STRN: variants seen among roughly 807,000 people sequenced by gnomAD.
STRN encodes the protein striatin, also known as protein phosphatase 2 regulatory subunit B'''alpha.
A neutral mutation model predicts 96.3 loss-of-function variants in STRN; 53 were observed. The ratio of observed to expected loss-of-function variants is 0.55; its 90% confidence interval spans 0.44 to 0.69. The LOEUF (loss-of-function observed/expected upper bound fraction) is 0.69. Ranked by LOEUF, STRN falls within the 30% of genes least tolerant of loss-of-function variation. STRN has a pLI of 0.00. For missense variants in STRN, 987 were observed against 963.9 expected, an observed-to-expected ratio of 1.02 and a Z score of -0.32; for synonymous variants, 428 against 355.9, an observed-to-expected ratio of 1.20 and a Z score of -2.28.
In STRN at chr2:36,849,004, T is replaced by C. The variant is rs1416486683; in HGVS notation, c.*452A>G. 2 of 158,660 alleles carry C rather than the reference T, an allele frequency of 1.3e-5. No individual in the cohort carries two copies. The highest frequency in any genetic ancestry group is 4.8e-5 in the African/African-American group (2 of 41,488). The allele number at this position is 158,660 out of a possible 1,614,324, so 9.8% of individuals were successfully genotyped here. A position where few individuals can be genotyped will look rare whatever the true frequency, so the allele number is the denominator to read the frequency against. On this transcript the variant is annotated 3_prime_UTR_variant, in exon 18 of 18. Coordinates refer to ENST00000263918, the MANE Select transcript of STRN (RefSeq NM_003162.4). ...GTTAATATGGCAGATATGATAAAGA[T>C]TACTATTTTGACTACTTAATGTGTT... is the stretch of plus-strand genomic sequence containing the variant.
At chr2:36,872,306 T>C (rs1466734199) in intron 10 of STRN, among the ~76,000 whole-genome samples, 3 of 152,206 alleles carry the variant, frequency 2.0e-5, no homozygotes, top group Non-Finnish European at 2.9e-5. Flanking sequence ...GAGAGACCTA[T>C]GTGGTAAGGA....
chr2:36,883,943 C>A lies in STRN; in HGVS notation c.1175G>T (p.Arg392Met). 1 of 1,396,610 alleles carries A rather than the reference C, an allele frequency of 7.2e-7. No individual in the cohort carries two copies. The highest frequency in any genetic ancestry group is 2.1e-5 in the South Asian group (1 of 47,848). The allele number at this position is 1,396,610 out of a possible 1,614,324, so 86.5% of individuals were successfully genotyped here. A position where few individuals can be genotyped will look rare whatever the true frequency, so the allele number is the denominator to read the frequency against. ...TCTTAAATACTTACCTTCATCTGCCCTATTAATTTCATGTTCAGGAAGCCT... is the reference window on the plus strand; with the variant it reads ...TCTTAAATACTTACCTTCATCTGCCATATTAATTTCATGTTCAGGAAGCCT... ...SSRLPEHEIN[R>M]ADEVEALTFP... is the part of the protein sequence containing the mutation. Residue 392 changes from arginine (R) to methionine (M), a missense_variant, in exon 9 of 18, where the codon AGG (arginine) becomes ATG (methionine). Coordinates refer to ENST00000263918, the MANE Select transcript of STRN (RefSeq NM_003162.4).
chr2:36,852,931 CG>C lies in STRN; in HGVS notation c.1979-1825del, dbSNP rs538352760. Reference sequence around the variant, plus strand: ...CAGCACTTTAGGAGGCCGAGGCAGGCGGATCACTTGAGGTCAGGAGTTCGAG... The same window carrying C: ...CAGCACTTTAGGAGGCCGAGGCAGGCGATCACTTGAGGTCAGGAGTTCGAG... On this transcript the variant is annotated intron_variant, in intron 15 of 17. Transcript: ENST00000263918. 1.7e-4 allele frequency among the ~76,000 whole-genome samples: 26 copies of C among 152,222 alleles called. No individual in the cohort carries two copies. In the East Asian group the frequency reaches 4.6e-3, roughly 27 times the overall value.
At chr2:36,865,561 T>G (rs896520403) in intron 12 of STRN, among the ~76,000 whole-genome samples, 10 of 152,122 alleles carry the variant, frequency 6.6e-5, no homozygotes, top group African/African-American at 2.4e-4. Flanking sequence ...GTTGTTAATT[T>G]GAGATCTAAC....
At chr2:36,950,153 T>C (rs972971483) in intron 1 of STRN, among the ~76,000 whole-genome samples, 6 of 151,174 alleles carry the variant, frequency 4.0e-5, no homozygotes, top group African/African-American at 9.7e-5. Flanking sequence ...GCAATACTAA[T>C]AGATAAGGGA....
At chr2:36,878,633 G>T (rs373681224) in intron 9 of STRN, among the ~76,000 whole-genome samples, 10 of 152,302 alleles carry the variant, frequency 6.6e-5, no homozygotes, top group African/African-American at 2.2e-4. Context: ...GGGTGGTGAC[G>T]TGGGAGGGTA....
intron 12 of STRN, 36 bp downstream of exon 12, chr2:36,867,778 A>G (rs1668666942): frequency 7.2e-6 from 10 of 1,381,612 alleles, no homozygotes; most frequent in South Asian, 1.4e-5. Context: ...TTTTACAGAG[A>G]TATCGGTTTA....
At chr2:36,905,652 G>C (rs930338739) in intron 3 of STRN, 34 bp from the exon 4 acceptor site, 3 of 1,577,494 alleles carry the variant, frequency 1.9e-6, no homozygotes, top group African/African-American at 2.7e-5. Context: ...AAACTGACTT[G>C]TTTTACGTAT....
intron 3 of STRN, among the ~76,000 whole-genome samples, chr2:36,906,314 C>G (rs924278223): frequency 6.6e-6 from 1 of 151,624 alleles, no homozygotes. Flanking sequence ...AAAAAATTAT[C>G]TGGGCATAGT....
At chr2:36,869,883 C>T (rs538618939) in intron 10 of STRN, among the ~76,000 whole-genome samples, 154 bp from the exon 11 acceptor site, 4 of 152,140 alleles carry the variant, frequency 2.6e-5, no homozygotes, top group Admixed American at 6.5e-5. Context: ...AACCAAACCA[C>T]GAAGCAAAAT....
At chr2:36,890,736 G>T (rs924692161) in intron 7 of STRN, among the ~76,000 whole-genome samples, 2 of 151,902 alleles carry the variant, frequency 1.3e-5, no homozygotes, top group African/African-American at 4.8e-5. Flanking sequence ...CACCCGCCTC[G>T]GCCTCCCAAA....
chr2:36,849,439 G>T lies in STRN; in HGVS notation c.*17C>A, dbSNP rs771915649. 1.2e-6 allele frequency: 2 copies of T among 1,613,048 alleles called. No homozygotes were observed. Among genetic ancestry groups the T allele is most frequent in the Non-Finnish European group, 1.7e-6 (2 of 1,179,400 alleles). ...GATTACTTATAAACAGCTAGAAGGTGAAGATGATGCATTGCGTCATACAAA... is the reference window on the plus strand; with the variant it reads ...GATTACTTATAAACAGCTAGAAGGTTAAGATGATGCATTGCGTCATACAAA... On this transcript the variant is annotated 3_prime_UTR_variant, in exon 18 of 18. Coordinates refer to ENST00000263918, the MANE Select transcript of STRN (RefSeq NM_003162.4).
In STRN at chr2:36,877,505, T is replaced by C. The variant is rs190655093; in HGVS notation, c.1323+386A>G. ...CTACACTTGTAAAGAAGTTTTACCA[T>C]TGCCTTCATTTTCTATAAAATCAAC... On this transcript the variant is annotated intron_variant, in intron 10 of 17. Coordinates refer to ENST00000263918, the MANE Select transcript of STRN (RefSeq NM_003162.4). Among the ~76,000 whole-genome samples, 9 of 152,364 alleles carry C rather than the reference T, an allele frequency of 5.9e-5. No homozygotes were observed. The East Asian group carries it at 9.6e-4, about 16-fold the overall frequency.
chr2:36,963,180 A>C (rs1231172658), intron 1 of STRN, among the ~76,000 whole-genome samples: 2 of 152,192 alleles, frequency 1.3e-5, no homozygotes, highest in Non-Finnish European at 2.9e-5. Flanking sequence ...CCTTACTCCC[A>C]AGATCTGAAG....
At chr2:36,866,433 T>C (rs1668624955) in intron 12 of STRN, among the ~76,000 whole-genome samples, 1 of 152,208 alleles carries the variant, frequency 6.6e-6, no homozygotes, top group African/African-American at 2.4e-5. Flanking sequence ...TTTTCTAAAT[T>C]TGCCGAGAAG....
intron 7 of STRN, among the ~76,000 whole-genome samples, chr2:36,888,687 C>T (rs1460121404): frequency 1.4e-5 from 2 of 140,518 alleles, no homozygotes; most frequent in African/African-American, 5.2e-5. Context: ...ATTTACTTAT[C>T]CATTTATTTT....
At chr2:36,906,773 C>G (rs1669831671) in intron 3 of STRN, among the ~76,000 whole-genome samples, 1 of 151,784 alleles carries the variant, frequency 6.6e-6, no homozygotes, top group African/African-American at 2.4e-5. Context: ...ACTAAAAATA[C>G]AAAAATTAGT....
At chr2:36,887,837 T>C (rs1364039248) in intron 7 of STRN, among the ~76,000 whole-genome samples, 2 of 152,234 alleles carry the variant, frequency 1.3e-5, no homozygotes, top group Non-Finnish European at 2.9e-5. Flanking sequence ...TTAAAAACTA[T>C]GTTATGTATT....
chr2:36,917,141 C>G (rs186632120), intron 2 of STRN, among the ~76,000 whole-genome samples: 12 of 149,908 alleles, frequency 8.0e-5, no homozygotes, highest in Admixed American at 7.3e-4. Context: ...ATAAAGGAAG[C>G]AAAGTGTAAC....
Sources: allele counts gnomAD v4.1 joint callset (sites outside exome capture counted in the v4.1 genomes callset), GRCh38; gene constraint gnomAD v4.1.1; transcripts MANE v1.5; gene names NCBI Gene and HGNC (gene_info 2026-07-23, HGNC 2026-07-21).